DIP2B: variants seen among roughly 807,000 people sequenced by gnomAD.
The protein encoded by DIP2B is DIP2 acetate--CoA ligase B (putative).
DIP2B carries 76 observed loss-of-function variants against 198.0 expected under a neutral mutation model. That is an observed-to-expected ratio of 0.38 (90% CI 0.32 to 0.46). DIP2B has a LOEUF of 0.46. Ranked by LOEUF, DIP2B falls within the 20% of genes least tolerant of loss-of-function variation. The pLI is 0.99. For synonymous variants in DIP2B, 701 were observed against 739.1 expected (o/e 0.95, Z 0.84); for missense variants, 1,559 against 1,978.4 (o/e 0.79, Z 4.02).
chr12:50,737,922 A>G (rs1940167584), intron 35 of DIP2B, among the ~76,000 whole-genome samples: 1 of 152,158 alleles, frequency 6.6e-6, no homozygotes, highest in African/African-American at 2.4e-5. Context: ...ATATTTCATT[A>G]CGTAGCTGAA....
chr12:50,548,396 A>G (rs371625520), intron 1 of DIP2B, among the ~76,000 whole-genome samples: 1 of 152,236 alleles, frequency 6.6e-6, no homozygotes, highest in Non-Finnish European at 1.5e-5. Context: ...ATGCATACTC[A>G]TGTATGTTGT....
intron 36 of DIP2B, 74 bp downstream of exon 36, chr12:50,739,660 T>C (rs1468990089): frequency 4.5e-6 from 7 of 1,563,694 alleles, no homozygotes; most frequent in African/African-American, 2.7e-5. Context: ...TCAGCCTGCG[T>C]TGGATTGTGG....
At chr12:50,570,026 T>A (rs1191269909) in intron 1 of DIP2B, among the ~76,000 whole-genome samples, 3 of 152,242 alleles carry the variant, frequency 2.0e-5, no homozygotes, top group Admixed American at 2.0e-4. Flanking sequence ...GTCTCTTCAG[T>A]GAATGAAGTG....
At chr12:50,516,867 C>G (rs963622577) in intron 1 of DIP2B, among the ~76,000 whole-genome samples, 2 of 151,678 alleles carry the variant, frequency 1.3e-5, no homozygotes, top group Non-Finnish European at 2.9e-5. Context: ...CCCAGCTACT[C>G]AGGAGGCTAG....
chr12:50,699,077 A>G lies in DIP2B; in HGVS notation c.2200A>G (p.Ile734Val), dbSNP rs1939370147. The change falls in exon 19 of 38, where the codon ATT (isoleucine) becomes GTT (valine). Residue 734 changes from isoleucine to valine, a missense_variant. Coordinates refer to ENST00000301180, the MANE Select transcript of DIP2B (RefSeq NM_173602.3). ...GHVMPGGMMC[I>V]VKPDGPPQLC... ...TTTCTGTACGTTAGGGATGATGTGC[A>G]TTGTGAAACCAGATGGACCTCCCCA... 6.2e-7 allele frequency: 1 copy of G among 1,614,160 alleles called. No individual in the cohort carries two copies. Among genetic ancestry groups the G allele is most frequent in the East Asian group, 2.2e-5 (1 of 44,880 alleles).
At chr12:50,653,328 C>CTTTTTTTTTTTTTTTTTTCTTTTT (rs71086465) in intron 3 of DIP2B, among the ~76,000 whole-genome samples, 1 of 116,300 alleles carries the variant, frequency 8.6e-6, no homozygotes, top group Non-Finnish European at 1.7e-5. Context: ...GTCTTTCTTT[C>CTTTTTTTTTTTTTTTTTTCTTTTT]TTTTTTTTTT....
At chr12:50,581,463 C>G (rs1293185702) in intron 1 of DIP2B, among the ~76,000 whole-genome samples, 1 of 149,278 alleles carries the variant, frequency 6.7e-6, no homozygotes, top group Non-Finnish European at 1.5e-5. Flanking sequence ...GTATGCTGTA[C>G]AGTTGACCTT....
At chr12:50,652,216 G>A (rs1187971029) in intron 3 of DIP2B, among the ~76,000 whole-genome samples, 1 of 151,912 alleles carries the variant, frequency 6.6e-6, no homozygotes, top group Non-Finnish European at 1.5e-5. Flanking sequence ...AGGAGGCTGA[G>A]GCAAGAGAAT....
chr12:50,589,707 A>G (rs926346630), intron 1 of DIP2B, among the ~76,000 whole-genome samples: 1 of 152,148 alleles, frequency 6.6e-6, no homozygotes, highest in African/African-American at 2.4e-5. Flanking sequence ...GATCGGGACC[A>G]TTGACACAGG....
At position 50,680,654 on chromosome 12, in the gene DIP2B, T is replaced by G. The variant is rs371599442; in HGVS notation, c.1115-18T>G. ...TTTTTTTCTATATGACTGTTGTTTTTTTTTCCTTTTTTTCCAGGAAAGTTG... is the reference window on the plus strand; with the variant it reads ...TTTTTTTCTATATGACTGTTGTTTTGTTTTCCTTTTTTTCCAGGAAAGTTG... On this transcript the variant is annotated intron_variant, in intron 8 of 37. Transcript: ENST00000301180. 71 of 1,607,526 alleles carry G rather than the reference T, an allele frequency of 4.4e-5. No homozygotes were observed. In the African/African-American group the frequency reaches 9.0e-4, roughly 20 times the overall value.
chr12:50,674,371 C>T, intron 5 of DIP2B, 103 bp from the exon 6 acceptor site: 1 of 1,228,706 alleles, frequency 8.1e-7, no homozygotes, highest in Non-Finnish European at 1.1e-6. Context: ...CCAGTGCCCC[C>T]ATTTATGTAC....
chr12:50,728,035 G>T (rs1194987023), intron 29 of DIP2B, among the ~76,000 whole-genome samples: 1 of 152,174 alleles, frequency 6.6e-6, no homozygotes, highest in Non-Finnish European at 1.5e-5. Flanking sequence ...GAAGCTGAAA[G>T]AAAAAGAGTT....
At chr12:50,569,032 CATGGTG>C (rs1400270934) in intron 1 of DIP2B, among the ~76,000 whole-genome samples, 1 of 150,976 alleles carries the variant, frequency 6.6e-6, no homozygotes, top group Non-Finnish European at 1.5e-5. Flanking sequence ...TCCAGATTTG[CATGGTG>C]AATTTTTTTT....
At chr12:50,510,630 G>A (rs1958005661) in intron 1 of DIP2B, among the ~76,000 whole-genome samples, 1 of 149,848 alleles carries the variant, frequency 6.7e-6, no homozygotes, top group African/African-American at 2.4e-5. Flanking sequence ...ATCTTTAAGG[G>A]TTCAGCTAAA....
intron 1 of DIP2B, among the ~76,000 whole-genome samples, chr12:50,596,761 T>A (rs1042900613): frequency 2.0e-5 from 3 of 151,932 alleles, no homozygotes; most frequent in African/African-American, 7.2e-5. Context: ...AATAAACAGA[T>A]GAAAAAAATA....
intron 17 of DIP2B, 26 bp from the exon 18 acceptor site, chr12:50,698,302 C>T (rs751083634): frequency 4.4e-6 from 7 of 1,595,636 alleles, no homozygotes; most frequent in South Asian, 1.1e-5. Flanking sequence ...TTTCATTCAC[C>T]AAACTTGATG....
At chr12:50,563,825 G>A (rs1958541123) in intron 1 of DIP2B, among the ~76,000 whole-genome samples, 1 of 151,108 alleles carries the variant, frequency 6.6e-6, no homozygotes, top group Admixed American at 6.6e-5. Flanking sequence ...AGCTCATTCT[G>A]TGTACCTTAA....
At chr12:50,620,752 G>A (rs558753675) in intron 1 of DIP2B, among the ~76,000 whole-genome samples, 47 of 152,172 alleles carry the variant, frequency 3.1e-4, no homozygotes, top group Non-Finnish European at 7.3e-5. Flanking sequence ...AGTCTGTTCT[G>A]AGTAAGAAAG....
intron 1 of DIP2B, among the ~76,000 whole-genome samples, chr12:50,510,083 T>A (rs545160769): frequency 3.9e-5 from 6 of 152,342 alleles, no homozygotes; most frequent in African/African-American, 1.4e-4. Flanking sequence ...AAGTTTCATT[T>A]ATAGGTCACT....
Sources: gnomAD v4.1 joint callset for allele counts (sites outside exome capture counted in the v4.1 genomes callset) on GRCh38, gnomAD v4.1.1 for gene constraint, MANE v1.5 for transcripts, NCBI Gene and HGNC (gene_info 2026-07-23, HGNC 2026-07-21) for gene names.